The following MACC1 variants were observed in gnomAD, a reference collection of about 807,000 sequenced individuals.
MACC1 encodes the protein metastasis-associated in colon cancer protein 1.
Under a neutral mutation model 70.7 loss-of-function variants are expected in MACC1, and 79 were observed. That is an observed-to-expected ratio of 1.12 (90% CI 0.93 to 1.35). The LOEUF (loss-of-function observed/expected upper bound fraction) is 1.35. Among genes scored for constraint, MACC1 ranks in the 40% most tolerant of loss-of-function variants. The probability of loss-of-function intolerance (pLI) is 0.00; values close to 1 mark genes in which losing one functional copy is unlikely to be tolerated. For missense variants in MACC1, 1,106 were observed against 978.1 expected, an observed-to-expected ratio of 1.13 and a Z score of -1.74; for synonymous variants, 361 against 347.2, an observed-to-expected ratio of 1.04 and a Z score of -0.44.
rs970016732 is a variant in MACC1 at position 20,166,938 on chromosome 7, G to A, written c.-152-2539C>T. Reference sequence around the variant, plus strand: ...TAGGTCAGAAACTGTTTGAAGTGCAGCTTAGTGATGTAGTCAAGGAACATA... The same window carrying A: ...TAGGTCAGAAACTGTTTGAAGTGCAACTTAGTGATGTAGTCAAGGAACATA... On this transcript the variant is annotated intron_variant, in intron 2 of 6. Transcript: ENST00000400331. Among the ~76,000 whole-genome samples, 4 of 152,182 alleles carry A rather than the reference G, an allele frequency of 2.6e-5. No homozygotes were observed. In the South Asian group the frequency reaches 6.2e-4, roughly 24 times the overall value.
chr7:20,178,595 AC>A (rs1440728406), intron 1 of MACC1, among the ~76,000 whole-genome samples: 17 of 151,990 alleles, frequency 1.1e-4, no homozygotes, highest in Non-Finnish European at 2.2e-4. Flanking sequence ...ATGCAGATTA[AC>A]CTTTTTGTTT....
At chr7:20,168,679 G>A (rs1464847240) in intron 2 of MACC1, among the ~76,000 whole-genome samples, 1 of 152,200 alleles carries the variant, frequency 6.6e-6, no homozygotes, top group Admixed American at 6.5e-5. Context: ...GTCAGGTGGA[G>A]AAGAGTGGGC....
At chr7:20,211,924 G>C (rs986741707) in intron 1 of MACC1, among the ~76,000 whole-genome samples, 2 of 152,186 alleles carry the variant, frequency 1.3e-5, no homozygotes, top group Non-Finnish European at 2.9e-5. Context: ...AGAGAGAAAA[G>C]AGCAAGTTGC....
intron 6 of MACC1, among the ~76,000 whole-genome samples, chr7:20,144,860 T>C (rs1011442796): frequency 6.6e-6 from 1 of 152,116 alleles, no homozygotes; most frequent in Non-Finnish European, 1.5e-5. Context: ...CTAAGTCAAT[T>C]ATTAGTGGAT....
Position 20,154,285 on chromosome 7 carries a change from C to G in MACC1, c.2254G>C (p.Glu752Gln), listed in dbSNP as rs768702391. 5.0e-6 allele frequency: 8 copies of G among 1,613,948 alleles called. No individual in the cohort carries two copies. In the East Asian group the frequency reaches 1.6e-4, roughly 31 times the overall value. ...SAVKLGKGWR[E>Q]LAEKLVRLTK... Reference sequence around the variant, plus strand: ...AGTCGTACTAACTTTTCAGCTAGTTCCCTCCAGCCTTTTCCAAGCTTGACA... The same window carrying G: ...AGTCGTACTAACTTTTCAGCTAGTTGCCTCCAGCCTTTTCCAAGCTTGACA... The change falls in exon 6 of 7, where the codon GAA becomes CAA. Residue 752 changes from glutamate (E) to glutamine (Q), a missense_variant. Coordinates refer to ENST00000400331, the MANE Select transcript of MACC1 (RefSeq NM_182762.4).
At chr7:20,148,683 C>T (rs187010220) in intron 6 of MACC1, among the ~76,000 whole-genome samples, 1 of 152,224 alleles carries the variant, frequency 6.6e-6, no homozygotes, top group Non-Finnish European at 1.5e-5. Flanking sequence ...TTCTTTCCTA[C>T]CTCATTCCTC....
At chr7:20,144,958 G>C (rs112450836) in intron 6 of MACC1, among the ~76,000 whole-genome samples, 7 of 152,268 alleles carry the variant, frequency 4.6e-5, no homozygotes, top group African/African-American at 1.7e-4. Context: ...TCTTGCAAAA[G>C]CCAAGAAGTA....
intron 1 of MACC1, among the ~76,000 whole-genome samples, chr7:20,213,934 C>A (rs768067163): frequency 4.6e-5 from 7 of 152,092 alleles, no homozygotes; most frequent in African/African-American, 1.7e-4. Flanking sequence ...TAAATAAAAA[C>A]TCAAGAGCAG....
At chr7:20,188,588 T>C (rs1016403880) in intron 1 of MACC1, among the ~76,000 whole-genome samples, 44 of 152,162 alleles carry the variant, frequency 2.9e-4, no homozygotes, top group African/African-American at 9.7e-4. Context: ...CCCTTCCCTT[T>C]ACAGCAAAAA....
intron 1 of MACC1, among the ~76,000 whole-genome samples, chr7:20,216,867 C>CTAA (rs1161877255): frequency 1.3e-5 from 2 of 152,186 alleles, no homozygotes; most frequent in African/African-American, 4.8e-5. Flanking sequence ...GGTCATAAAT[C>CTAA]TAATAAGCAG....
rs1303033320 is a variant in MACC1, at chr7:20,140,956, T to C, written c.2549A>G (p.Glu850Gly). The change falls in exon 7 of 7, where the codon GAG becomes GGG. Residue 850 changes from glutamate (E) to glycine (G), a missense_variant. Glu to Gly is a moderately conservative substitution (Grantham distance 98). Transcript: ENST00000400331. ...VLRVTAFSTS[E>G]EV ...ACACACGCTTTGTTTCTATACTTCC[T>C]CAGAAGTGGAGAATGCAGTTACTCT... is the stretch of plus-strand genomic sequence containing the variant. 2.5e-6 allele frequency: 4 copies of C among 1,611,310 alleles called. No homozygotes were observed. Among genetic ancestry groups the C allele is most frequent in the Non-Finnish European group, 3.4e-6 (4 of 1,178,282 alleles).
chr7:20,152,206 G>A (rs1322809189), intron 6 of MACC1, among the ~76,000 whole-genome samples: 1 of 152,090 alleles, frequency 6.6e-6, no homozygotes, highest in African/African-American at 2.4e-5. Context: ...CACATAGAAG[G>A]CAGTTTTTGG....
intron 1 of MACC1, among the ~76,000 whole-genome samples, chr7:20,185,956 A>G (rs1782581448): frequency 6.6e-6 from 1 of 152,228 alleles, no homozygotes; most frequent in Non-Finnish European, 1.5e-5. Flanking sequence ...TTCTTGCCCC[A>G]GGGTCCACAT....
At position 20,142,240 on chromosome 7, in the gene MACC1, C is replaced by A. The variant is rs1781816389; in HGVS notation, c.2347-1082G>T. Among the ~76,000 whole-genome samples, 2 of 152,104 alleles carry A rather than the reference C, an allele frequency of 1.3e-5. 1 individual carries two copies. The highest frequency in any genetic ancestry group is 4.8e-5 in the African/African-American group (2 of 41,410). On this transcript the variant is annotated intron_variant, in intron 6 of 6. Transcript: ENST00000400331. ...TATAATTTTCACCATCCTCCAATAT[C>A]CTCATATAGTCTAATTTTAAAGTTA...
chr7:20,136,207 G>A lies in MACC1; in HGVS notation c.*4739C>T, dbSNP rs1359406979. ...CCACAGTCTCATAGGGAGTAAGGGA[G>A]TAATGGACAAAGATTAGAAACCGCA... On this transcript the variant is annotated 3_prime_UTR_variant, in exon 7 of 7. Transcript: ENST00000400331. The A allele has an allele frequency of 6.6e-6, 1 of 152,212 alleles. No homozygotes were observed. Among genetic ancestry groups the A allele is most frequent in the African/African-American group, 2.4e-5 (1 of 41,458 alleles). The allele number at this position is 152,212 out of a possible 1,614,324, so 9.4% of individuals were successfully genotyped here.
rs182115441 is a variant in MACC1, at chr7:20,186,569, A to T, written c.-217-15791T>A. ...AGTCTATTATAGTTAAATCCACTGG[A>T]ATAATTATTAAAATACTATGTGGAA... On this transcript the variant is annotated intron_variant, in intron 1 of 6. Coordinates refer to ENST00000400331, the MANE Select transcript of MACC1 (RefSeq NM_182762.4). 3.1e-3 allele frequency among the ~76,000 whole-genome samples: 468 copies of T among 152,284 alleles called. 3 individuals are homozygous for T. Among genetic ancestry groups the T allele is most frequent in the African/African-American group, 0.011 (451 of 41,586 alleles).
chr7:20,177,986 T>G (rs765306284), intron 1 of MACC1, among the ~76,000 whole-genome samples: 11 of 152,078 alleles, frequency 7.2e-5, no homozygotes, highest in Non-Finnish European at 1.6e-4. Context: ...CCTTATTTTG[T>G]GTTTACTTTT....
intron 6 of MACC1, among the ~76,000 whole-genome samples, chr7:20,148,252 T>C (rs1049655282): frequency 3.9e-5 from 6 of 152,240 alleles, no homozygotes; most frequent in Admixed American, 2.0e-4. Context: ...ACACACCAAG[T>C]GCTCAATTAA....
intron 1 of MACC1, among the ~76,000 whole-genome samples, chr7:20,181,168 A>G (rs73685410): frequency 0.033 from 5,006 of 152,176 alleles, 169 homozygotes; most frequent in African/African-American, 0.077. Context: ...TGAAAGAAAT[A>G]GGACTGCCAG....
Sources: allele counts gnomAD v4.1 joint callset (sites outside exome capture counted in the v4.1 genomes callset), GRCh38; gene constraint gnomAD v4.1.1; transcripts MANE v1.5; gene names NCBI Gene and HGNC (gene_info 2026-07-23, HGNC 2026-07-21).